Variants in ZNF728 observed in about 807,000 individuals in gnomAD.
ZNF728 encodes zinc finger protein 728.
In ZNF728, 12 loss-of-function variants were observed where a neutral mutation model predicts 12.5. The observed-to-expected ratio is 0.96, with a 90% CI of 0.61 to 1.55. The LOEUF is 1.55. Among genes scored for constraint, ZNF728 ranks in the 40% most tolerant of loss-of-function variants. The probability of loss-of-function intolerance (pLI) is 0.00; values close to 1 mark genes in which losing one functional copy is unlikely to be tolerated. For missense variants in ZNF728, 692 were observed against 719.2 expected (o/e 0.96, Z 0.43); for synonymous variants, 205 against 240.7 (o/e 0.85, Z 1.37).
chr19:22,999,907 G>A (rs530715983), intron 1 of ZNF728, among the ~76,000 whole-genome samples: 239 of 152,154 alleles, frequency 1.6e-3, no homozygotes, highest in African/African-American at 5.6e-3. Flanking sequence ...AGAAACTGAT[G>A]TTTTCATGAA....
chr19:23,002,671 C>G (rs1334993815), intron 1 of ZNF728, among the ~76,000 whole-genome samples: 1 of 152,130 alleles, frequency 6.6e-6, no homozygotes, highest in African/African-American at 2.4e-5. Context: ...CCTCACGGAC[C>G]AAAGCTCTTT....
At chr19:22,987,079 C>A (rs1368172668) in intron 3 of ZNF728, among the ~76,000 whole-genome samples, 1 of 152,124 alleles carries the variant, frequency 6.6e-6, no homozygotes, top group Non-Finnish European at 1.5e-5. Context: ...TTGGCTGTCA[C>A]TGTAAACTTG....
chr19:22,977,254 G>T, intron 3 of ZNF728, 144 bp from the exon 4 acceptor site: 1 of 792,484 alleles, frequency 1.3e-6, no homozygotes, highest in Non-Finnish European at 1.9e-6. Context: ...ACATATAAAT[G>T]TAATAAAAGC....
chr19:22,985,428 A>G (rs546790536), intron 3 of ZNF728, among the ~76,000 whole-genome samples: 1 of 152,286 alleles, frequency 6.6e-6, no homozygotes, highest in East Asian at 1.9e-4. Flanking sequence ...AAATTTTAAG[A>G]CCAACCTGGG....
chr19:23,000,889 A>C (rs199785660), intron 1 of ZNF728, among the ~76,000 whole-genome samples: 1 of 64,204 alleles, frequency 1.6e-5, no homozygotes, highest in African/African-American at 1.4e-4. Context: ...AAAAAAACCA[A>C]AAAAAAAAAA....
At chr19:22,990,524 G>A (rs371831368) in intron 1 of ZNF728, among the ~76,000 whole-genome samples, 7 of 151,594 alleles carry the variant, frequency 4.6e-5, no homozygotes, top group East Asian at 1.9e-4. Flanking sequence ...TTTTGTCCTC[G>A]GGAGCCATCC....
At position 22,976,680 on chromosome 19, in the gene ZNF728, C is replaced by G; in HGVS notation, c.657G>C (p.Lys219Asn). 1 of 1,613,136 alleles carries G rather than the reference C, an allele frequency of 6.2e-7. No homozygotes were observed. The highest frequency in any genetic ancestry group is 8.5e-7 in the Non-Finnish European group (1 of 1,179,808). ...AGGGTTTCTCTCCAGTATGAATTCT[C>G]TTATAAGTAAGGGCTGAGGACCAGT... ...AFNWSSALTY[K>N]RIHTGEKPCK... The change falls in exon 4 of 4, where the codon AAG (lysine) becomes AAC (asparagine). Residue 219 changes from lysine to asparagine, a missense_variant. By Grantham distance (94) the Lys-to-Asn change is moderately conservative (BLOSUM62 0). Transcript: ENST00000594710.
intron 3 of ZNF728, among the ~76,000 whole-genome samples, chr19:22,985,138 G>A (rs1283749329): frequency 6.6e-6 from 1 of 152,074 alleles, no homozygotes; most frequent in Non-Finnish European, 1.5e-5. Flanking sequence ...AGCAGAAAAT[G>A]TTCTACCAAT....
rs1321162068 is a variant in ZNF728 at position 22,977,071 on chromosome 19, T to C, written c.266A>G (p.Gln89Arg). 1 of 1,605,020 alleles carries C rather than the reference T, an allele frequency of 6.2e-7. No homozygotes were observed. The highest frequency in any genetic ancestry group is 8.5e-7 in the Non-Finnish European group (1 of 1,176,814). Reference sequence around the variant, plus strand: ...TTTTTGGAAAGAATCTTCTCTGCCCTGCTCTGGCCAAAGGTCTTGAGCAAA... The same window carrying C: ...TTTTTGGAAAGAATCTTCTCTGCCCCGCTCTGGCCAAAGGTCTTGAGCAAA... ...SHFAQDLWPE[Q>R]GREDSFQKVI... is the part of the protein sequence containing the mutation. The change falls in exon 4 of 4, where the codon CAG (glutamine) becomes CGG (arginine). Residue 89 changes from glutamine to arginine, a missense_variant. By Grantham distance (43) the Gln-to-Arg change is conservative. Coordinates refer to ENST00000594710, the MANE Select transcript of ZNF728 (RefSeq NM_001267716.2).
chr19:22,982,006 C>T (rs542371789), intron 3 of ZNF728, among the ~76,000 whole-genome samples: 7 of 152,244 alleles, frequency 4.6e-5, no homozygotes, highest in African/African-American at 1.4e-4. Flanking sequence ...TCCCATTCAA[C>T]ATAGTATTGG....
intron 3 of ZNF728, among the ~76,000 whole-genome samples, chr19:22,984,330 G>A (rs1968891484): frequency 6.6e-6 from 1 of 151,838 alleles, no homozygotes; most frequent in African/African-American, 2.4e-5. Flanking sequence ...AGGCCGAGGT[G>A]GGTGGATCAC....
chr19:22,989,241 G>A lies in ZNF728; in HGVS notation c.4-790C>T, dbSNP rs1393804793. On this transcript the variant is annotated intron_variant, in intron 1 of 3. Transcript: ENST00000594710. ...TATTTTTTTTTTTCAGAACATCAGG[G>A]ATAAAGTCTGAGTTGCTGAATTTTT... Among the ~76,000 whole-genome samples, 2 of 151,718 alleles carry A rather than the reference G, an allele frequency of 1.3e-5. 1 individual carries two copies. The highest frequency in any genetic ancestry group is 4.1e-4 in the South Asian group (2 of 4,820).
Position 22,975,745 on chromosome 19 carries a change from G to C in ZNF728, c.1592C>G (p.Thr531Ser). 2 of 1,611,722 alleles carry C rather than the reference G, an allele frequency of 1.2e-6. No individual in the cohort carries two copies. Among genetic ancestry groups the C allele is most frequent in the Non-Finnish European group, 1.7e-6 (2 of 1,179,852 alleles). ...TTCACATTTGTATTGTTTCTCTCCA[G>C]TATGAATTACCTTATGTTTAGTAAG... ...ANLTKHKVIH[T>S]GEKQYKCEEC... The change falls in exon 4 of 4, where the codon ACT (threonine) becomes AGT (serine). Residue 531 changes from threonine to serine, a missense_variant. Around this residue, in one of 3 missense-constraint regions of ZNF728, gnomAD observed 244 missense variants for 235.2 expected, o/e 1.04. Coordinates refer to ENST00000594710, the MANE Select transcript of ZNF728 (RefSeq NM_001267716.2).
chr19:22,983,036 T>C (rs1968877044), intron 3 of ZNF728, among the ~76,000 whole-genome samples: 1 of 152,092 alleles, frequency 6.6e-6, no homozygotes, highest in Non-Finnish European at 1.5e-5. Flanking sequence ...AAAGAGCTTC[T>C]GCACAGCAAA....
At position 22,976,756 on chromosome 19, in the gene ZNF728, A is replaced by AT. The variant is rs772268656; in HGVS notation, c.580dup (p.Ile194AsnfsTer4). 3 of 1,613,364 alleles carry AT rather than the reference A, an allele frequency of 1.9e-6. No individual in the cohort carries two copies. The highest frequency in any genetic ancestry group is 2.7e-5 in the African/African-American group (2 of 74,930). On this transcript the variant is annotated frameshift_variant, in exon 4 of 4. Transcript: ENST00000594710. LOFTEE classifies it low-confidence loss of function (END_TRUNC). The stretch of plus-strand genomic sequence containing the variant: ...TTTGTAGGAATTCTCTCTAGTATAA[A>AT]TTCTTTTATGTTGAGATAGGTGTGA...
intron 1 of ZNF728, chr19:22,995,135 T>G (rs540255090): frequency 3.3e-5 from 5 of 152,238 alleles, no homozygotes; most frequent in African/African-American, 7.2e-5. Context: ...CAGATAGAGA[T>G]AGCTCTGAGA....
chr19:22,986,231 T>C (rs1272090070), intron 3 of ZNF728, among the ~76,000 whole-genome samples: 1 of 152,162 alleles, frequency 6.6e-6, no homozygotes, highest in Non-Finnish European at 1.5e-5. Context: ...ATTGTGCCCA[T>C]TGTCAATGCT....
At position 22,988,423 on chromosome 19, in the gene ZNF728, A is replaced by G. The variant is rs778704351; in HGVS notation, c.32T>C (p.Ile11Thr). 2.5e-4 allele frequency: 397 copies of G among 1,614,026 alleles called. 1 individual carries two copies. Among genetic ancestry groups the G allele is most frequent in the Middle Eastern group, 8.2e-4 (5 of 6,084 alleles). MGSLTFRDVA[I>T]QFSLEEWQCL... ...TTGCCACTCCTCCAGAGAGAATTGT[A>G]TGGCCACATCCCGAAATGTCAACGA... The change falls in exon 2 of 4, where the codon ATA becomes ACA. Residue 11 changes from isoleucine to threonine, a missense_variant. Ile to Thr is a moderately conservative substitution (Grantham distance 89). Transcript: ENST00000594710.
chr19:23,000,323 A>T (rs1482796360), intron 1 of ZNF728, among the ~76,000 whole-genome samples: 3 of 151,758 alleles, frequency 2.0e-5, no homozygotes, highest in African/African-American at 7.3e-5. Context: ...GCTTGCAGTG[A>T]GCCGAGATCC....
Sources: allele counts gnomAD v4.1 joint callset (sites outside exome capture counted in the v4.1 genomes callset), GRCh38; gene constraint gnomAD v4.1.1; regional missense constraint gnomAD v4.1.1; transcripts MANE v1.5; gene names NCBI Gene and HGNC (gene_info 2026-07-23, HGNC 2026-07-21).